The following COL5A2 variants were observed in gnomAD, a reference collection of about 807,000 sequenced individuals.
COL5A2 encodes collagen alpha-2(V) chain.
COL5A2 carries 23 observed loss-of-function variants against 208.2 expected under a neutral mutation model. The ratio of observed to expected loss-of-function variants is 0.11; its 90% CI spans 0.08 to 0.16. COL5A2 has a LOEUF of 0.16. COL5A2 is among the 10% of genes least tolerant of loss of function. The pLI is 1.00. For synonymous variants in COL5A2, 625 were observed against 628.5 expected (o/e 0.99, Z 0.08); for missense variants, 1,590 against 1,956.4 (o/e 0.81, Z 3.53).
the COL5A2 span, among the ~76,000 whole-genome samples, chr2:189,238,842 G>T: frequency 6.6e-6 from 1 of 152,122 alleles, no homozygotes; most frequent in African/African-American, 2.4e-5. Flanking sequence ...CCCTTGACAC[G>T]TGGGGATTAT....
At chr2:189,100,519 A>G (rs1687027169) in intron 3 of COL5A2, among the ~76,000 whole-genome samples, 1 of 151,950 alleles carries the variant, frequency 6.6e-6, no homozygotes, top group Admixed American at 6.6e-5. Flanking sequence ...AAATTGTAAT[A>G]CATAAAAATT....
the COL5A2 span, among the ~76,000 whole-genome samples, chr2:189,386,185 G>A: frequency 6.6e-6 from 1 of 151,776 alleles, no homozygotes; most frequent in African/African-American, 2.4e-5. Context: ...ATTTGGGTGG[G>A]GACACAGCCA....
At chr2:189,061,670 C>G in intron 29 of COL5A2, 55 bp from the exon 30 acceptor site, 1 of 1,284,050 alleles carries the variant, frequency 7.8e-7, no homozygotes. Flanking sequence ...TGTCTGCTTC[C>G]TCTCTACGTG....
chr2:189,415,688 C>T, the COL5A2 span, among the ~76,000 whole-genome samples: 4 of 152,068 alleles, frequency 2.6e-5, no homozygotes, highest in African/African-American at 9.7e-5. Flanking sequence ...TGGAGACAGT[C>T]TTGCTCTGTC....
At chr2:189,341,907 C>T in the COL5A2 span, among the ~76,000 whole-genome samples, 3 of 152,006 alleles carry the variant, frequency 2.0e-5, no homozygotes, top group African/African-American at 7.2e-5. Context: ...CCAATCTTTC[C>T]TAAACATTAA....
Position 189,110,565 on chromosome 2 carries a change from G to A in COL5A2, c.98-116C>T, listed in dbSNP as rs1229548724. The A allele has an allele frequency of 4.9e-6, 4 of 819,298 alleles. No homozygotes were observed. In the African/African-American group the frequency reaches 5.1e-5, roughly 10 times the overall value. 50.8% of individuals were successfully genotyped at this position (819,298 alleles called of 1,614,324 possible). ...TCTGGACTAAGAAGTAACCTTCCAA[G>A]GAGCCAAACACAGATGAACTGATTT... On this transcript the variant is annotated intron_variant, in intron 1 of 53. Coordinates refer to ENST00000374866, the MANE Select transcript of COL5A2 (RefSeq NM_000393.5).
intron 1 of COL5A2, among the ~76,000 whole-genome samples, chr2:189,178,795 C>T (rs1236657179): frequency 1.3e-5 from 2 of 150,916 alleles, no homozygotes. Context: ...ACAAGACATG[C>T]TGATTTCCTG....
rs192843975 is a variant in COL5A2, at chr2:189,204,058, C to T, written c.-42+21090G>A. Among the ~76,000 whole-genome samples the T allele has an allele frequency of 2.6e-3, 400 of 152,170 alleles. 1 individual carries two copies. The highest frequency in any genetic ancestry group is 6.8e-3 in the Middle Eastern group (2 of 294). The stretch of plus-strand genomic sequence containing the variant: ...GACTACAGTCGCCCGCCACCACGCC[C>T]GGCTAATTTTTTGTATTTTTAGCAG... On this transcript the variant is annotated intron_variant, in intron 1 of 10. Coordinates refer to the COL5A2 transcript ENST00000649966.
At chr2:189,091,076 CTTAA>C (rs1489644263) in intron 7 of COL5A2, among the ~76,000 whole-genome samples, 3 of 152,092 alleles carry the variant, frequency 2.0e-5, no homozygotes, top group Non-Finnish European at 2.9e-5. Flanking sequence ...TAAGAACATT[CTTAA>C]TTGATTGGTG....
the COL5A2 span, among the ~76,000 whole-genome samples, chr2:189,291,803 T>TA: frequency 0.11 from 17,125 of 149,700 alleles, 1,269 homozygotes; most frequent in African/African-American, 0.21. Context: ...CTCTTTGGTT[T>TA]AAAAAAAAAA....
intron 1 of COL5A2, among the ~76,000 whole-genome samples, chr2:189,178,683 T>G (rs1688724237): frequency 7.4e-6 from 1 of 134,366 alleles, no homozygotes. Flanking sequence ...AGGAAAAAAA[T>G]GTGGTCACCA....
At chr2:189,424,194 T>C in the COL5A2 span, among the ~76,000 whole-genome samples, 1 of 152,176 alleles carries the variant, frequency 6.6e-6, no homozygotes, top group South Asian at 2.1e-4. Flanking sequence ...AAAAGAAATG[T>C]ACCTTAACAC....
At chr2:189,260,872 T>G in the COL5A2 span, among the ~76,000 whole-genome samples, 5 of 152,322 alleles carry the variant, frequency 3.3e-5, no homozygotes, top group South Asian at 8.3e-4. Context: ...ACTATTATTC[T>G]CCTTCCATGA....
At chr2:189,399,959 T>C in the COL5A2 span, among the ~76,000 whole-genome samples, 1 of 152,126 alleles carries the variant, frequency 6.6e-6, no homozygotes, top group East Asian at 1.9e-4. Context: ...CCTTGGCCTC[T>C]GAAAGTGCTG....
chr2:189,164,231 A>G (rs1688423483), intron 1 of COL5A2, among the ~76,000 whole-genome samples: 1 of 152,188 alleles, frequency 6.6e-6, no homozygotes, highest in Non-Finnish European at 1.5e-5. Flanking sequence ...AATTTGAGAC[A>G]AGCTTCCTGA....
At chr2:189,402,960 GT>G in the COL5A2 span, among the ~76,000 whole-genome samples, 1 of 152,108 alleles carries the variant, frequency 6.6e-6, no homozygotes, top group Non-Finnish European at 1.5e-5. Context: ...GTCAATGGTC[GT>G]TTAAAGGGAA....
intron 49 of COL5A2, 133 bp downstream of exon 49, chr2:189,042,587 T>C: frequency 3.9e-6 from 3 of 778,974 alleles, no homozygotes; most frequent in South Asian, 2.9e-5. Context: ...TTGTCTCATA[T>C]GTGTGTTGCC....
At chr2:189,310,036 C>G in the COL5A2 span, among the ~76,000 whole-genome samples, 9 of 152,260 alleles carry the variant, frequency 5.9e-5, no homozygotes, top group Middle Eastern at 3.4e-3. Flanking sequence ...CTCTGCTTTA[C>G]AAGGCAGAAT....
intron 23 of COL5A2, 82 bp from the exon 24 acceptor site, chr2:189,065,139 A>G (rs1686120988): frequency 7.6e-7 from 1 of 1,317,948 alleles, no homozygotes; most frequent in Non-Finnish European, 1.1e-6. Context: ...TATTTTTAGC[A>G]CTATAAAGTT....
Sources: gnomAD v4.1 joint callset for allele counts (sites outside exome capture counted in the v4.1 genomes callset) on GRCh38, gnomAD v4.1.1 for gene constraint, MANE v1.5 for transcripts, NCBI Gene and HGNC (gene_info 2026-07-23, HGNC 2026-07-21) for gene names.